CNNM3: variants seen among roughly 807,000 people sequenced by gnomAD.
CNNM3 encodes cyclin and CBS domain divalent metal cation transport mediator 3.
In CNNM3, 47 loss-of-function variants were observed where a neutral mutation model predicts 57.1. The observed-to-expected ratio is 0.82, with a 90% CI of 0.65 to 1.05. CNNM3 has a LOEUF of 1.05. Ranked by LOEUF, CNNM3 falls within the 50% of genes least tolerant of loss-of-function variation. The probability of loss-of-function intolerance (pLI) is 0.00; values close to 1 mark genes in which losing one functional copy is unlikely to be tolerated. For missense variants in CNNM3, 957 were observed against 973.7 expected (o/e 0.98, Z 0.23); for synonymous variants, 507 against 478.2 (o/e 1.06, Z -0.79).
Position 96,835,063 on chromosome 2 carries a change from G to C in CNNM3, c.*2447G>C, listed in dbSNP as rs9948. Among the ~76,000 whole-genome samples the C allele has an allele frequency of 0.2, 30,193 of 152,116 alleles. 5,781 individuals carry two copies. The highest frequency in any genetic ancestry group is 0.5 in the African/African-American group (20,884 of 41,448). On this transcript the variant is annotated 3_prime_UTR_variant, in exon 8 of 8. Coordinates refer to ENST00000305510, the MANE Select transcript of CNNM3 (RefSeq NM_017623.5). ...ATCTGTGTAACTACCACTGCAATCA[G>C]GATAAAGAAGTCCCATCCCCACAAG...
downstream of CNNM3, chr2:96,836,580 T>G (rs1300582586): frequency 6.6e-6 from 1 of 152,156 alleles, no homozygotes; most frequent in Non-Finnish European, 1.5e-5. Flanking sequence ...GGTTTCACCA[T>G]GTTGCCCACA....
In CNNM3 at chr2:96,817,099, G is replaced by A. The variant is rs974070090; in HGVS notation, c.822G>A (p.Gly274=). Residue 274 remains glycine, a synonymous_variant, in exon 1 of 8, where the codon GGG becomes GGA. Transcript: ENST00000305510. ...LLTLPVALPV[G]QLLELAARPG... is the part of the protein sequence containing the mutation. ...CTCTGCCCGTCGCGCTGCCCGTGGG[G>A]CAGCTGCTGGAGCTGGCGGCGCGGC... 1 of 1,342,662 alleles carries A rather than the reference G, an allele frequency of 7.4e-7. No individual in the cohort carries two copies. Among genetic ancestry groups the A allele is most frequent in the South Asian group, 2.0e-5 (1 of 51,110 alleles). The allele number at this position is 1,342,662 out of a possible 1,614,324, so 83.2% of individuals were successfully genotyped here.
chr2:96,825,215 CT>C lies in CNNM3; in HGVS notation c.1369+16del. On this transcript the variant is annotated intron_variant, in intron 2 of 7. Coordinates refer to ENST00000305510, the MANE Select transcript of CNNM3 (RefSeq NM_017623.5). ...CTGAAGACTACCGTGAGTCCAGACT[CT>C]TGGCAGTTCTGTCTCCGCTGGGCCT... The C allele has an allele frequency of 6.2e-7, 1 of 1,613,570 alleles. No homozygotes were observed. The highest frequency in any genetic ancestry group is 8.5e-7 in the Non-Finnish European group (1 of 1,179,720).
chr2:96,829,623 T>TA (rs1021155965), intron 7 of CNNM3, among the ~76,000 whole-genome samples: 2 of 151,642 alleles, frequency 1.3e-5, no homozygotes, highest in African/African-American at 4.9e-5. Context: ...TTTTTTTTTT[T>TA]AATTCATTAT....
In CNNM3 at chr2:96,833,110, C is replaced by G; in HGVS notation, c.*494C>G. ...TTTGGCTGGGGGTTCAGATCGATGG[C>G]CTTGTCCATGTTGTCCTTTCTGGCT... is the stretch of plus-strand genomic sequence containing the variant. On this transcript the variant is annotated 3_prime_UTR_variant, in exon 8 of 8. Coordinates refer to ENST00000305510, the MANE Select transcript of CNNM3 (RefSeq NM_017623.5). The G allele has an allele frequency of 1.1e-6, 1 of 897,856 alleles. No individual in the cohort carries two copies. Among genetic ancestry groups the G allele is most frequent in the Non-Finnish European group, 1.6e-6 (1 of 640,346 alleles). The allele number at this position is 897,856 out of a possible 1,614,324, so 55.6% of individuals were successfully genotyped here.
intron 1 of CNNM3, among the ~76,000 whole-genome samples, chr2:96,818,470 C>G (rs1230345599): frequency 6.6e-6 from 1 of 150,554 alleles, no homozygotes; most frequent in Admixed American, 6.6e-5. Context: ...AGCCTGGTCT[C>G]GAACTCCTGA....
chr2:96,817,512 C>T lies in CNNM3; in HGVS notation c.1225+10C>T, dbSNP rs375852051. 3.1e-6 allele frequency: 5 copies of T among 1,605,174 alleles called. No individual in the cohort carries two copies. The highest frequency in any genetic ancestry group is 2.7e-5 in the African/African-American group (2 of 74,850). ...GAGGAATTCAAGCGAGGTAACGGCC[C>T]GGGCATGGTGCAGGGGACGCCCGTG... On this transcript the variant is annotated intron_variant, in intron 1 of 7. Transcript: ENST00000305510.
In CNNM3 at chr2:96,827,827, G is replaced by C. The variant is rs777762408; in HGVS notation, c.1616G>C (p.Ser539Thr). The change falls in exon 4 of 8, where the codon AGC (serine) becomes ACC (threonine). Residue 539 changes from serine (S) to threonine (T), a missense_variant. Ser to Thr is a moderately conservative substitution (Grantham distance 58, BLOSUM62 1). Coordinates refer to ENST00000305510, the MANE Select transcript of CNNM3 (RefSeq NM_017623.5). Reference sequence around the variant, plus strand: ...AACCAGGAAGTGAGGTTTGACGAGAGCAACCGGCTGGCCACACACCACTAC... The same window carrying C: ...AACCAGGAAGTGAGGTTTGACGAGACCAACCGGCTGGCCACACACCACTAC... ...SVNQEVRFDE[S>T]NRLATHHYLY... 6.2e-7 allele frequency: 1 copy of C among 1,614,196 alleles called. No homozygotes were observed. Among genetic ancestry groups the C allele is most frequent in the South Asian group, 1.1e-5 (1 of 91,084 alleles).
At chr2:96,820,104 A>G (rs2079385019) in intron 1 of CNNM3, among the ~76,000 whole-genome samples, 1 of 152,168 alleles carries the variant, frequency 6.6e-6, no homozygotes, top group South Asian at 2.1e-4. Context: ...ACAGATCAGT[A>G]ACAATTGTGG....
chr2:96,823,081 GCTGCCATCTAGACCC>G (rs1489753882), intron 1 of CNNM3, among the ~76,000 whole-genome samples: 5 of 152,096 alleles, frequency 3.3e-5, no homozygotes, highest in Admixed American at 2.6e-4. Flanking sequence ...GTCATCTTTG[GCTGCCATCTAGACCC>G]CTCAGACATT....
Position 96,817,262 on chromosome 2 carries a change from G to A in CNNM3, c.985G>A (p.Ala329Thr), listed in dbSNP as rs370077039. 54 of 1,611,780 alleles carry A rather than the reference G, an allele frequency of 3.4e-5. No individual in the cohort carries two copies. The highest frequency in any genetic ancestry group is 5.3e-5 in the African/African-American group (4 of 74,932). ...CCTCGAAGACTGCTTCATGCTGGAC[G>A]CCAGCACCGTGCTGGACTTCGGCGT... ...TPLEDCFMLDASTVLDFGVLA... is the reference protein window; with the variant it reads ...TPLEDCFMLDTSTVLDFGVLA... Residue 329 changes from alanine to threonine, a missense_variant, in exon 1 of 8, where the codon GCC (alanine) becomes ACC (threonine). Physicochemically the swap from Ala to Thr is moderately conservative, Grantham distance 58. Around this residue, in one of 2 missense-constraint regions of CNNM3, gnomAD observed 491 missense variants for 570.6 expected, o/e 0.86. Transcript: ENST00000305510.
rs1315706190 is a variant in CNNM3, at chr2:96,834,606, C to G, written c.*1990C>G. On this transcript the variant is annotated 3_prime_UTR_variant, in exon 8 of 8. Transcript: ENST00000305510. ...TCAAGCGATCCTCCTGCCTCGGCCT[C>G]CCAAAGTGTTGAGATTATAGGCGTG... Among the ~76,000 whole-genome samples the G allele has an allele frequency of 6.6e-6, 1 of 151,660 alleles. No homozygotes were observed. Among genetic ancestry groups the G allele is most frequent in the Non-Finnish European group, 1.5e-5 (1 of 68,000 alleles).
intron 3 of CNNM3, among the ~76,000 whole-genome samples, chr2:96,827,509 C>T (rs1385617117): frequency 3.3e-5 from 5 of 152,026 alleles, no homozygotes; most frequent in African/African-American, 1.2e-4. Flanking sequence ...TGCAGGTGAT[C>T]CACCTGCCTC....
Position 96,828,615 on chromosome 2 carries a change from A to G in CNNM3, c.1835A>G (p.Gln612Arg). 6.2e-7 allele frequency: 1 copy of G among 1,614,202 alleles called. No homozygotes were observed. ...SSLQPIRHDL[Q>R]PDPGDGTHSS... ...CTCCAGCCCATCCGCCATGACCTGCAGCCCGACCCAGGTGACGGCACGCAT... is the reference window on the plus strand; with the variant it reads ...CTCCAGCCCATCCGCCATGACCTGCGGCCCGACCCAGGTGACGGCACGCAT... The change falls in exon 6 of 8, where the codon CAG (glutamine) becomes CGG (arginine). Residue 612 changes from glutamine to arginine, a missense_variant. Physicochemically the swap from Gln to Arg is conservative, Grantham distance 43. This residue lies in a region of CNNM3 where 491 missense variants were observed against 570.6 expected (regional missense o/e 0.86). Coordinates refer to ENST00000305510, the MANE Select transcript of CNNM3 (RefSeq NM_017623.5).
At chr2:96,820,121 G>C (rs1559007729) in intron 1 of CNNM3, among the ~76,000 whole-genome samples, 1 of 152,224 alleles carries the variant, frequency 6.6e-6, no homozygotes, top group Non-Finnish European at 1.5e-5. Context: ...GTGGACACCA[G>C]CGCAGGGAGA....
rs1333508626 is a variant in CNNM3, at chr2:96,816,501, C to G, written c.224C>G (p.Ser75Cys). The change falls in exon 1 of 8, where the codon TCT (serine) becomes TGT (cysteine). Residue 75 changes from serine (S) to cysteine (C), a missense_variant. This residue lies in a region of CNNM3 where 466 missense variants were observed against 403.1 expected (regional missense o/e 1.16). Coordinates refer to ENST00000305510, the MANE Select transcript of CNNM3 (RefSeq NM_017623.5). ...RLFGPGFANS[S>C]WSWVAPEGAG... ...TTCGGCCCGGGCTTCGCCAACAGCTCTTGGTCCTGGGTGGCCCCGGAGGGG... is the reference window on the plus strand; with the variant it reads ...TTCGGCCCGGGCTTCGCCAACAGCTGTTGGTCCTGGGTGGCCCCGGAGGGG... 1.4e-5 allele frequency: 21 copies of G among 1,454,990 alleles called. No individual in the cohort carries two copies. The highest frequency in any genetic ancestry group is 1.9e-5 in the Non-Finnish European group (21 of 1,103,946). 90.1% of individuals were successfully genotyped at this position (1,454,990 alleles called of 1,614,324 possible).
chr2:96,825,893 G>A (rs2079494024), intron 2 of CNNM3, among the ~76,000 whole-genome samples: 1 of 152,136 alleles, frequency 6.6e-6, no homozygotes, highest in Non-Finnish European at 1.5e-5. Context: ...TGGAGGGGGT[G>A]GAAATAAGTC....
chr2:96,829,036 G>A lies in CNNM3; in HGVS notation c.1961G>A (p.Arg654Gln), dbSNP rs149301704. The change falls in exon 7 of 8, where the codon CGA becomes CAA. Residue 654 changes from arginine to glutamine, a missense_variant. By Grantham distance (43) the Arg-to-Gln change is conservative. Transcript: ENST00000305510. ...LQYLNALLAT[R>Q]AQNLPQSPEN... ...TACCTCAATGCACTCCTGGCTACCCGAGCCCAGAACCTGCCACAGTCCCCT... is the reference window on the plus strand; with the variant it reads ...TACCTCAATGCACTCCTGGCTACCCAAGCCCAGAACCTGCCACAGTCCCCT... 1.1e-5 allele frequency: 18 copies of A among 1,613,750 alleles called. No individual in the cohort carries two copies. Among genetic ancestry groups the A allele is most frequent in the East Asian group, 1.1e-4 (5 of 44,860 alleles).
chr2:96,836,447 G>A (rs1264010524), downstream of CNNM3, among the ~76,000 whole-genome samples: 2 of 151,968 alleles, frequency 1.3e-5, no homozygotes, highest in African/African-American at 4.8e-5. Flanking sequence ...CTCCATGTTG[G>A]TCAGGCTGGT....
Sources: allele counts gnomAD v4.1 joint callset (sites outside exome capture counted in the v4.1 genomes callset), GRCh38; gene constraint gnomAD v4.1.1; regional missense constraint gnomAD v4.1.1; transcripts MANE v1.5; gene names NCBI Gene and HGNC (gene_info 2026-07-23, HGNC 2026-07-21).